The following SUV39H2 variants were observed in gnomAD, a reference collection of about 807,000 sequenced individuals.
The protein encoded by SUV39H2 is SUV39H2 histone lysine methyltransferase.
SUV39H2 carries 10 observed loss-of-function variants against 47.5 expected under a neutral mutation model. The ratio of observed to expected loss-of-function variants is 0.21; its 90% CI spans 0.13 to 0.36. The LOEUF (loss-of-function observed/expected upper bound fraction) is 0.36, where lower values mean the gene tolerates loss of function less well. SUV39H2 is among the 10% of genes least tolerant of loss of function. The pLI, the probability that SUV39H2 is intolerant of heterozygous loss-of-function variation, is 1.00. For synonymous variants in SUV39H2, 159 were observed against 166.8 expected (o/e 0.95, Z 0.36); for missense variants, 266 against 487.4 (o/e 0.55, Z 4.28).
chr10:14,883,373 C>T (rs1833101077), intron 2 of SUV39H2, among the ~76,000 whole-genome samples: 1 of 152,026 alleles, frequency 6.6e-6, no homozygotes, highest in African/African-American at 2.4e-5. Context: ...ATATAATTCA[C>T]ATGCTATCAT....
Position 14,896,987 on chromosome 10 carries a change from G to A in SUV39H2, c.319G>A (p.Gly107Ser), listed in dbSNP as rs901832621. 1.9e-6 allele frequency: 3 copies of A among 1,614,054 alleles called. No individual in the cohort carries two copies. Among genetic ancestry groups the A allele is most frequent in the Non-Finnish European group, 2.5e-6 (3 of 1,180,010 alleles). Residue 107 changes from glycine to serine, a missense_variant, in exon 3 of 6, where the codon GGC (glycine) becomes AGC (serine). This residue lies in a region of SUV39H2 where 91 missense variants were observed against 110.9 expected (regional missense o/e 0.82). Transcript: ENST00000354919. ...KHNYLSQVKK[G>S]KAITPKDNNK... ...TAATTATTTATCTCAGGTAAAGAAAGGCAAAGCAATAACTCCAAAAGACAA... is the reference window on the plus strand; with the variant it reads ...TAATTATTTATCTCAGGTAAAGAAAAGCAAAGCAATAACTCCAAAAGACAA...
intron 2 of SUV39H2, among the ~76,000 whole-genome samples, chr10:14,893,227 TCTC>T (rs1253558045): frequency 2.0e-5 from 3 of 151,464 alleles, no homozygotes; most frequent in African/African-American, 7.3e-5. Context: ...ATGGTCTCGA[TCTC>T]CTGACCTCGT....
chr10:14,891,280 A>G (rs914996640), intron 2 of SUV39H2, among the ~76,000 whole-genome samples: 2 of 152,212 alleles, frequency 1.3e-5, no homozygotes, highest in African/African-American at 2.4e-5. Context: ...CATTGTGGCC[A>G]GTGTGTGTTG....
chr10:14,888,901 T>G (rs912542442), intron 2 of SUV39H2, among the ~76,000 whole-genome samples: 2 of 152,032 alleles, frequency 1.3e-5, no homozygotes, highest in Non-Finnish European at 2.9e-5. Flanking sequence ...GGTCGGGAGT[T>G]CGAATCAGCC....
rs1834168490 is a variant in SUV39H2 at position 14,903,684 on chromosome 10, C to G, written c.*1172C>G. ...TTTCAAGGGAGTGGGAGGCTTCCAACATAGTATTGAATCTCAGGAAAAACT... is the reference window on the plus strand; with the variant it reads ...TTTCAAGGGAGTGGGAGGCTTCCAAGATAGTATTGAATCTCAGGAAAAACT... On this transcript the variant is annotated 3_prime_UTR_variant, in exon 6 of 6. Transcript: ENST00000354919. 1 of 152,126 alleles carries G rather than the reference C, an allele frequency of 6.6e-6. No homozygotes were observed. The highest frequency in any genetic ancestry group is 1.5e-5 in the Non-Finnish European group (1 of 68,028). 9.4% of individuals were successfully genotyped at this position (152,126 alleles called of 1,614,324 possible).
Position 14,902,481 on chromosome 10 carries a change from G to A in SUV39H2, c.1202G>A (p.Gly401Glu), listed in dbSNP as rs199727444. 2 of 1,603,442 alleles carry A rather than the reference G, an allele frequency of 1.2e-6. No homozygotes were observed. Among genetic ancestry groups the A allele is most frequent in the East Asian group, 4.5e-5 (2 of 44,654 alleles). ...KKRVRTVCKC[G>E]AVTCRGYLN ...AGGGTCAGAACAGTATGTAAATGTG[G>A]AGCTGTGACTTGCAGAGGTTACCTC... is the stretch of plus-strand genomic sequence containing the variant. Residue 401 changes from glycine to glutamate, a missense_variant, in exon 6 of 6, where the codon GGA becomes GAA. Gly to Glu is a moderately conservative substitution (Grantham distance 98, BLOSUM62 -2). Transcript: ENST00000354919.
Position 14,897,012 on chromosome 10 carries a change from A to G in SUV39H2, c.344A>G (p.Asn115Ser), listed in dbSNP as rs144521316. 349 of 1,614,164 alleles carry G rather than the reference A, an allele frequency of 2.2e-4. No individual in the cohort carries two copies. The highest frequency in any genetic ancestry group is 2.1e-3 in the African/African-American group (156 of 75,074). Residue 115 changes from asparagine (N) to serine (S), a missense_variant, in exon 3 of 6, where the codon AAT (asparagine) becomes AGT (serine). Physicochemically the swap from Asn to Ser is conservative, Grantham distance 46. Around this residue, in one of 4 missense-constraint regions of SUV39H2, gnomAD observed 91 missense variants for 110.9 expected, o/e 0.82. Coordinates refer to ENST00000354919, the MANE Select transcript of SUV39H2 (RefSeq NM_001193424.2). The stretch of plus-strand genomic sequence containing the variant: ...GGCAAAGCAATAACTCCAAAAGACA[A>G]TAACAAAACTTTGAAACCTGCCATT... ...KKGKAITPKD[N>S]NKTLKPAIAE...
chr10:14,898,585 A>C (rs938510942), intron 3 of SUV39H2: 2 of 152,198 alleles, frequency 1.3e-5, no homozygotes, highest in African/African-American at 4.8e-5. Context: ...TTGTATAATC[A>C]AATTACTCTT....
intron 2 of SUV39H2, among the ~76,000 whole-genome samples, chr10:14,896,372 C>T (rs1240424863): frequency 6.6e-6 from 1 of 152,150 alleles, no homozygotes; most frequent in East Asian, 1.9e-4. Context: ...AATGTGTGCC[C>T]ATGATGTTGA....
At chr10:14,891,015 G>A (rs534219653) in intron 2 of SUV39H2, among the ~76,000 whole-genome samples, 22 of 152,152 alleles carry the variant, frequency 1.4e-4, no homozygotes, top group Non-Finnish European at 2.2e-4. Context: ...CTCATTTGGG[G>A]GCTATAAAAA....
Position 14,878,867 on chromosome 10 carries a change from G to C in SUV39H2, c.-22G>C. ...TGAGCTATCCCGTCAGACCGCGCCAGTTTGAATGAAAGCTCTACAAGATGG... is the reference window on the plus strand; with the variant it reads ...TGAGCTATCCCGTCAGACCGCGCCACTTTGAATGAAAGCTCTACAAGATGG... On this transcript the variant is annotated 5_prime_UTR_variant, in exon 1 of 6. Transcript: ENST00000354919. 2.0e-6 allele frequency: 3 copies of C among 1,486,298 alleles called. No individual in the cohort carries two copies. Among genetic ancestry groups the C allele is most frequent in the African/African-American group, 2.9e-5 (2 of 68,846 alleles). The allele number at this position is 1,486,298 out of a possible 1,614,324, so 92.1% of individuals were successfully genotyped here. A position where few individuals can be genotyped will look rare whatever the true frequency, so the allele number is the denominator to read the frequency against.
intron 1 of SUV39H2, 125 bp downstream of exon 1, chr10:14,879,044 C>A (rs1832957712): frequency 1.5e-6 from 2 of 1,316,560 alleles, no homozygotes; most frequent in Non-Finnish European, 1.9e-6. Context: ...GCCGCGACCC[C>A]AACTCCGGGA....
At chr10:14,885,412 A>G (rs1396427540) in intron 2 of SUV39H2, among the ~76,000 whole-genome samples, 1 of 152,148 alleles carries the variant, frequency 6.6e-6, no homozygotes, top group African/African-American at 2.4e-5. Context: ...GGGTTATCAT[A>G]TTATGTTATC....
At chr10:14,893,073 G>T (rs1028291967) in intron 2 of SUV39H2, among the ~76,000 whole-genome samples, 1 of 148,532 alleles carries the variant, frequency 6.7e-6, no homozygotes, top group African/African-American at 2.5e-5. Flanking sequence ...CGCAATCTAG[G>T]CTCACTGCAG....
intron 2 of SUV39H2, among the ~76,000 whole-genome samples, chr10:14,894,774 G>A (rs979102210): frequency 9.2e-5 from 14 of 152,160 alleles, no homozygotes; most frequent in African/African-American, 1.9e-4. Flanking sequence ...CTGGGTGGGC[G>A]CCTGGTTCCT....
At chr10:14,890,510 C>T (rs574217505) in intron 2 of SUV39H2, among the ~76,000 whole-genome samples, 5 of 152,246 alleles carry the variant, frequency 3.3e-5, no homozygotes, top group East Asian at 3.9e-4. Flanking sequence ...CTCGCATCTC[C>T]GCCTCTTGAG....
chr10:14,879,360 G>T (rs1284786902), intron 1 of SUV39H2, among the ~76,000 whole-genome samples: 1 of 152,224 alleles, frequency 6.6e-6, no homozygotes, highest in African/African-American at 2.4e-5. Context: ...AGCGACGCCC[G>T]CCGGCGTGAA....
intron 2 of SUV39H2, among the ~76,000 whole-genome samples, chr10:14,893,860 T>C (rs925467949): frequency 6.6e-6 from 1 of 152,228 alleles, no homozygotes; most frequent in African/African-American, 2.4e-5. Context: ...ATAACTTCAG[T>C]GGCAGATGTT....
intron 4 of SUV39H2, among the ~76,000 whole-genome samples, 162 bp from the exon 5 acceptor site, chr10:14,900,971 A>G (rs1049328745): frequency 1.3e-5 from 2 of 152,294 alleles, no homozygotes; most frequent in South Asian, 4.1e-4. Context: ...AGGGAAAAAA[A>G]TCTTTTTAAA....
Sources: gnomAD v4.1 joint callset for allele counts (sites outside exome capture counted in the v4.1 genomes callset) on GRCh38, gnomAD v4.1.1 for gene constraint, gnomAD v4.1.1 regional missense constraint, MANE v1.5 for transcripts, NCBI Gene and HGNC (gene_info 2026-07-23, HGNC 2026-07-21) for gene names.